The following ESCO2 variants were observed in gnomAD, a reference collection of about 807,000 sequenced individuals.
ESCO2 encodes establishment of sister chromatid cohesion N-acetyltransferase 2.
ESCO2 carries 51 observed loss-of-function variants against 61.7 expected under a neutral mutation model. The observed-to-expected ratio is 0.83, with a 90% CI of 0.66 to 1.04. The LOEUF (loss-of-function observed/expected upper bound fraction) is 1.04, where lower values mean the gene tolerates loss of function less well. ESCO2 is among the 50% of genes least tolerant of loss of function. The pLI, the probability that ESCO2 is intolerant of heterozygous loss-of-function variation, is 0.00. For synonymous variants in ESCO2, 230 were observed against 238.2 expected, an observed-to-expected ratio of 0.97 and a Z score of 0.32; for missense variants, 692 against 686.2, an observed-to-expected ratio of 1.01 and a Z score of -0.09.
At position 27,804,506 on chromosome 8, in the gene ESCO2, C is replaced by T. The variant is rs962649811; in HGVS notation, c.*1068C>T. On this transcript the variant is annotated 3_prime_UTR_variant, in exon 11 of 11. Coordinates refer to ENST00000305188, the MANE Select transcript of ESCO2 (RefSeq NM_001017420.3). ...GGCTGGTGGATGAGAGACCATGGAA[C>T]TGTGTAAATACACTTAAATGTTCAC... is the stretch of plus-strand genomic sequence containing the variant. 2.0e-6 allele frequency: 2 copies of T among 985,386 alleles called. No homozygotes were observed. Among genetic ancestry groups the T allele is most frequent in the Non-Finnish European group, 2.4e-6 (2 of 829,906 alleles). The allele number at this position is 985,386 out of a possible 1,614,324, so 61.0% of individuals were successfully genotyped here.
intron 7 of ESCO2, 54 bp from the exon 8 acceptor site, chr8:27,791,909 G>GT (rs11402833): frequency 0.42 from 624,598 of 1,472,272 alleles, 133,877 homozygotes; most frequent in East Asian, 0.63. Flanking sequence ...TTTAATGTTG[G>GT]TTTTTTTTCC....
intron 7 of ESCO2, among the ~76,000 whole-genome samples, chr8:27,789,682 G>A (rs1415844183): frequency 6.6e-6 from 1 of 151,708 alleles, no homozygotes; most frequent in African/African-American, 2.4e-5. Flanking sequence ...TCGGGAGGCT[G>A]AGGCAGGAGA....
At chr8:27,794,665 A>G (rs921361395) in intron 9 of ESCO2, among the ~76,000 whole-genome samples, 3 of 152,096 alleles carry the variant, frequency 2.0e-5, no homozygotes, top group African/African-American at 7.2e-5. Flanking sequence ...GACCGATGTC[A>G]AGCTTTTTTC....
chr8:27,775,461 AATATTTTG>A, intron 1 of ESCO2, 30 bp from the exon 2 acceptor site: 4 of 1,555,780 alleles, frequency 2.6e-6, no homozygotes, highest in Non-Finnish European at 3.5e-6. Flanking sequence ...AGCGATTTTT[AATATTTTG>A]ATGAATGTGG....
At chr8:27,794,209 TTTCTC>T (rs1310408001) in intron 9 of ESCO2, among the ~76,000 whole-genome samples, 5 of 152,262 alleles carry the variant, frequency 3.3e-5, no homozygotes, top group Non-Finnish European at 4.4e-5. Flanking sequence ...AGAGTACAGA[TTTCTC>T]TTCAACATAC....
intron 2 of ESCO2, 112 bp from the exon 3 acceptor site, chr8:27,776,250 G>A (rs918314149): frequency 2.9e-5 from 23 of 788,452 alleles, no homozygotes; most frequent in Non-Finnish European, 3.7e-5. Context: ...TGTGTATGGG[G>A]GGTACATGTA....
chr8:27,806,611 G>A (rs999442004), downstream of ESCO2, among the ~76,000 whole-genome samples: 5 of 150,154 alleles, frequency 3.3e-5, no homozygotes, highest in Admixed American at 2.0e-4. Flanking sequence ...CTCAAGTATT[G>A]GATACTTTCT....
chr8:27,810,807 A>G (rs12056432), downstream of ESCO2: 15 of 636,648 alleles, frequency 2.4e-5, no homozygotes, highest in East Asian at 1.9e-4. Flanking sequence ...TTTTCTCCCT[A>G]TTCTCAATCT....
chr8:27,772,638 A>G (rs935379720), upstream of ESCO2: 28 of 1,210,384 alleles, frequency 2.3e-5, no homozygotes, highest in Non-Finnish European at 3.2e-5. Context: ...GGCCCCCGGA[A>G]CTCCTCCGTG....
downstream of ESCO2, among the ~76,000 whole-genome samples, chr8:27,807,677 A>G (rs893811969): frequency 3.3e-5 from 5 of 152,164 alleles, no homozygotes; most frequent in African/African-American, 9.7e-5. Context: ...TGTTAATCCT[A>G]TCATAGGTTT....
downstream of ESCO2, among the ~76,000 whole-genome samples, chr8:27,809,462 T>G (rs547342706): frequency 6.6e-6 from 1 of 152,270 alleles, no homozygotes; most frequent in African/African-American, 2.4e-5. Context: ...ATTCAGTAAT[T>G]TGGAAAATTC....
Position 27,775,521 on chromosome 8 carries a change from G to A in ESCO2, c.7G>A (p.Ala3Thr). The A allele has an allele frequency of 6.2e-7, 1 of 1,613,988 alleles. No individual in the cohort carries two copies. The highest frequency in any genetic ancestry group is 8.5e-7 in the Non-Finnish European group (1 of 1,179,844). Reference protein sequence around the residue: MAALTPRKRKQDS... With the variant: MATLTPRKRKQDS... ...TAGGAATTCAATAAAGAAAATGGCA[G>A]CTCTTACTCCAAGGAAGAGGAAGCA... is the stretch of plus-strand genomic sequence containing the variant. The change falls in exon 2 of 11, where the codon GCT becomes ACT. Residue 3 changes from alanine to threonine, a missense_variant. Ala to Thr is a moderately conservative substitution (Grantham distance 58). Coordinates refer to ENST00000305188, the MANE Select transcript of ESCO2 (RefSeq NM_001017420.3).
chr8:27,810,313 C>T (rs748812180), downstream of ESCO2: 6 of 1,609,138 alleles, frequency 3.7e-6, no homozygotes, highest in Non-Finnish European at 4.3e-6. Flanking sequence ...CACTAGACAT[C>T]TGTTTCCAGA....
At chr8:27,814,554 G>T (rs1805774178), downstream of ESCO2, among the ~76,000 whole-genome samples, 1 of 151,460 alleles carries the variant, frequency 6.6e-6, no homozygotes, top group African/African-American at 2.4e-5. Flanking sequence ...CCTTCCTTTG[G>T]ATTTGCTCTG....
intron 9 of ESCO2, among the ~76,000 whole-genome samples, chr8:27,796,726 A>G (rs1467969331): frequency 1.3e-5 from 2 of 152,180 alleles, no homozygotes; most frequent in African/African-American, 4.8e-5. Flanking sequence ...ACTGCTATGA[A>G]TGTTCTGTGT....
downstream of ESCO2, chr8:27,812,584 T>C (rs1805710449): frequency 2.1e-5 from 3 of 144,082 alleles, no homozygotes; most frequent in Admixed American, 7.1e-5. Flanking sequence ...GACAAAGGGC[T>C]AATATCCAGA....
upstream of ESCO2, chr8:27,772,607 C>T (rs149449164): frequency 6.7e-7 from 1 of 1,498,770 alleles, no homozygotes; most frequent in Non-Finnish European, 9.1e-7. Context: ...GCTCAGGATA[C>T]CAGACTCGCG....
rs780528738 is a variant in ESCO2 at position 27,776,562 on chromosome 8, CTT to C, written c.258_259del (p.Phe86LeufsTer5). ...TTTAAATCTGCGCTCTCCACTGTAT[CTT>C]TTTACAACCAAAATAAGTGGTACCT... On this transcript the variant is annotated frameshift_variant, in exon 3 of 11. Coordinates refer to ENST00000305188, the MANE Select transcript of ESCO2 (RefSeq NM_001017420.3). LOFTEE classifies it high-confidence loss of function. 1 of 1,614,094 alleles carries C rather than the reference CTT, an allele frequency of 6.2e-7. No homozygotes were observed. The highest frequency in any genetic ancestry group is 2.2e-5 in the East Asian group (1 of 44,872).
At chr8:27,798,996 C>T (rs973338560) in intron 9 of ESCO2, among the ~76,000 whole-genome samples, 2 of 152,088 alleles carry the variant, frequency 1.3e-5, no homozygotes, top group Non-Finnish European at 2.9e-5. Context: ...AAACTATACA[C>T]ACCATTATAC....
Sources: gnomAD v4.1 joint callset for allele counts (sites outside exome capture counted in the v4.1 genomes callset) on GRCh38, gnomAD v4.1.1 for gene constraint, MANE v1.5 for transcripts, NCBI Gene and HGNC (gene_info 2026-07-23, HGNC 2026-07-21) for gene names.